The following VWCE variants were observed in gnomAD, a reference collection of about 807,000 sequenced individuals.
VWCE encodes von Willebrand factor C and EGF domains.
A neutral mutation model predicts 102.9 loss-of-function variants in VWCE; 68 were observed. The observed-to-expected ratio is 0.66, with a 90% CI of 0.54 to 0.81. VWCE has a LOEUF of 0.81. VWCE is among the 30% of genes least tolerant of loss of function. The pLI is 0.00. For missense variants in VWCE, 1,137 were observed against 1,263.6 expected, an observed-to-expected ratio of 0.90 and a Z score of 1.52; for synonymous variants, 497 against 515.4, an observed-to-expected ratio of 0.96 and a Z score of 0.48.
chr11:61,271,660 C>A lies in VWCE; in HGVS notation c.1785+15G>T, dbSNP rs898599264. 1.2e-5 allele frequency: 19 copies of A among 1,606,162 alleles called. No homozygotes were observed. Among genetic ancestry groups the A allele is most frequent in the Non-Finnish European group, 1.4e-5 (17 of 1,176,162 alleles). The stretch of plus-strand genomic sequence containing the variant: ...GCCAGGTAAAGCAGCTGAAGGCGAG[C>A]AGGTTGTCATTCACCTGGCAGATGC... On this transcript the variant is annotated intron_variant, in intron 14 of 19. Transcript: ENST00000335613.
At chr11:61,275,225 C>T (rs1395307928) in intron 11 of VWCE, among the ~76,000 whole-genome samples, 1 of 152,148 alleles carries the variant, frequency 6.6e-6, no homozygotes, top group Admixed American at 6.5e-5. Context: ...ATGCTACCAC[C>T]CCCTGGAGGC....
In VWCE at chr11:61,267,472, C is replaced by A. The variant is rs1190158285; in HGVS notation, c.1955G>T (p.Cys652Phe). 2 of 1,613,924 alleles carry A rather than the reference C, an allele frequency of 1.2e-6. No homozygotes were observed. Among genetic ancestry groups the A allele is most frequent in the Non-Finnish European group, 1.7e-6 (2 of 1,179,996 alleles). The change falls in exon 16 of 20, where the codon TGC becomes TTC. Residue 652 changes from cysteine to phenylalanine, a missense_variant. By Grantham distance (205) the Cys-to-Phe change is radical (BLOSUM62 -2). This residue lies in a region of VWCE where 212 missense variants were observed against 235.1 expected (regional missense o/e 0.90). Coordinates refer to ENST00000335613, the MANE Select transcript of VWCE (RefSeq NM_152718.2). ...CTGGGTGGTCCATACCAGGCAGATGCAGCTCAGACATGGGTCCAGCACAGA... is the reference window on the plus strand; with the variant it reads ...CTGGGTGGTCCATACCAGGCAGATGAAGCTCAGACATGGGTCCAGCACAGA... ...FPSVLDPCLS[C>F]ICLLGSVACS...
chr11:61,261,962 T>G (rs955658118), intron 19 of VWCE, among the ~76,000 whole-genome samples: 2 of 152,144 alleles, frequency 1.3e-5, no homozygotes, highest in African/African-American at 4.8e-5. Context: ...TCTTGGTTTT[T>G]GTTTTTGTTT....
chr11:61,271,913 T>G (rs563614841), intron 13 of VWCE, among the ~76,000 whole-genome samples, 153 bp from the exon 14 acceptor site: 1 of 151,958 alleles, frequency 6.6e-6, no homozygotes, highest in African/African-American at 2.4e-5. Context: ...AATGCACACT[T>G]ACACAGATAC....
At chr11:61,287,231 C>T (rs1565230200) in intron 4 of VWCE, among the ~76,000 whole-genome samples, 1 of 152,218 alleles carries the variant, frequency 6.6e-6, no homozygotes, top group Non-Finnish European at 1.5e-5. Flanking sequence ...CATGGAATCC[C>T]CACCTGCACC....
At chr11:61,283,979 A>G (rs1782589916) in intron 5 of VWCE, among the ~76,000 whole-genome samples, 1 of 152,216 alleles carries the variant, frequency 6.6e-6, no homozygotes, top group African/African-American at 2.4e-5. Flanking sequence ...TAAAAGGAAC[A>G]AGGCAAGTCT....
chr11:61,284,137 A>C (rs1855233274), intron 5 of VWCE, among the ~76,000 whole-genome samples: 1 of 151,938 alleles, frequency 6.6e-6, no homozygotes, highest in Admixed American at 6.6e-5. Flanking sequence ...CCAAAGCGGG[A>C]AGGATAGCTT....
intron 13 of VWCE, among the ~76,000 whole-genome samples, chr11:61,272,540 T>G (rs1854751505): frequency 6.7e-6 from 1 of 149,968 alleles, no homozygotes; most frequent in Admixed American, 6.6e-5. Context: ...CAGATACCAT[T>G]AACACACTGA....
chr11:61,259,628 C>G (rs1020687961), intron 19 of VWCE, among the ~76,000 whole-genome samples: 1 of 152,178 alleles, frequency 6.6e-6, no homozygotes, highest in African/African-American at 2.4e-5. Context: ...TCAGCCTAAA[C>G]CTCAATGTGA....
chr11:61,281,990 A>G (rs976137173), intron 6 of VWCE, 76 bp from the exon 7 acceptor site: 6 of 1,552,622 alleles, frequency 3.9e-6, no homozygotes, highest in Non-Finnish European at 5.2e-6. Context: ...CCTTAGCTCA[A>G]AACACTTGGG....
intron 18 of VWCE, 110 bp from the exon 19 acceptor site, chr11:61,264,687 G>T: frequency 8.2e-7 from 1 of 1,224,196 alleles, no homozygotes; most frequent in Non-Finnish European, 1.2e-6. Context: ...AAAGATCCCA[G>T]GACAGAGGCT....
At chr11:61,266,257 T>G (rs1414008331) in intron 16 of VWCE, among the ~76,000 whole-genome samples, 3 of 152,116 alleles carry the variant, frequency 2.0e-5, no homozygotes, top group East Asian at 1.9e-4. Context: ...ACAAAATTTT[T>G]GGCTGGGTGC....
Position 61,281,055 on chromosome 11 carries a change from G to C in VWCE, c.968C>G (p.Pro323Arg), listed in dbSNP as rs1369939455. The C allele has an allele frequency of 1.3e-6, 2 of 1,598,224 alleles. No individual in the cohort carries two copies. The highest frequency in any genetic ancestry group is 3.4e-5 in the Admixed American group (2 of 58,402). ...VRTTRLPSPT[P>R]RLPTSSPSAP... ...AGAAGGGGAGGATGTGGGTAGTCGTGGGGTGGGAGATGGCAGGCGGGTGGT... is the reference window on the plus strand; with the variant it reads ...AGAAGGGGAGGATGTGGGTAGTCGTCGGGTGGGAGATGGCAGGCGGGTGGT... Residue 323 changes from proline (P) to arginine (R), a missense_variant, in exon 8 of 20, where the codon CCA becomes CGA. Physicochemically the swap from Pro to Arg is moderately radical, Grantham distance 103. Around this residue, in one of 5 missense-constraint regions of VWCE, gnomAD observed 575 missense variants for 625.9 expected, o/e 0.92. Coordinates refer to ENST00000335613, the MANE Select transcript of VWCE (RefSeq NM_152718.2).
Position 61,280,658 on chromosome 11 carries a change from G to A in VWCE, c.1290C>T (p.Pro430=). 1 of 1,614,072 alleles carries A rather than the reference G, an allele frequency of 6.2e-7. No individual in the cohort carries two copies. Among genetic ancestry groups the A allele is most frequent in the South Asian group, 1.1e-5 (1 of 91,066 alleles). ...ATGGGCAGCACCCACCATCTCTGGAGGGAATTGGGTGGGAACAAGCAGCTT... is the reference window on the plus strand; with the variant it reads ...ATGGGCAGCACCCACCATCTCTGGAAGGAATTGGGTGGGAACAAGCAGCTT... ...RCEAACSHPI[P]SRDGGCCPSC... The change falls in exon 9 of 20, where the codon CCC becomes CCT. Residue 430 remains proline, a synonymous_variant. Coordinates refer to ENST00000335613, the MANE Select transcript of VWCE (RefSeq NM_152718.2).
rs1590621498 is a variant in VWCE, at chr11:61,268,914, G to A, written c.1882+8C>T. 2 of 1,613,924 alleles carry A rather than the reference G, an allele frequency of 1.2e-6. No individual in the cohort carries two copies. The highest frequency in any genetic ancestry group is 2.2e-5 in the South Asian group (2 of 91,076). ...CCCTGGGGGCTTGGGGCAGAGGCAG[G>A]GGATTACCTGCTGAACAGTCTGGGC... On this transcript the variant is annotated splice_region_variant and intron_variant, in intron 15 of 19. Transcript: ENST00000335613.
In VWCE at chr11:61,294,894, G is replaced by A; in HGVS notation, c.110+34C>T. 3 of 1,339,920 alleles carry A rather than the reference G, an allele frequency of 2.2e-6. No individual in the cohort carries two copies. The highest frequency in any genetic ancestry group is 2.9e-6 in the Non-Finnish European group (3 of 1,031,860). 83.0% of individuals were successfully genotyped at this position (1,339,920 alleles called of 1,614,324 possible). On this transcript the variant is annotated intron_variant, in intron 1 of 19. Transcript: ENST00000335613. This position sits in a 1 kb window ranked among gnomAD's most constrained non-coding sequence, Gnocchi z 6.3. Reference sequence around the variant, plus strand: ...ACTGCACGCCGGTAGCGCTCTCCCGGGCGGGGGAGCGGGGAGGAGCTCCGG... The same window carrying A: ...ACTGCACGCCGGTAGCGCTCTCCCGAGCGGGGGAGCGGGGAGGAGCTCCGG...
At chr11:61,287,921 C>T (rs1266057657) in intron 4 of VWCE, among the ~76,000 whole-genome samples, 3 of 151,688 alleles carry the variant, frequency 2.0e-5, no homozygotes, top group Non-Finnish European at 4.4e-5. Flanking sequence ...TCTGGGAGGC[C>T]GAGGTGGGTG....
chr11:61,271,535 TGAAAGTGGA>T, intron 14 of VWCE, 131 bp downstream of exon 14: 3 of 740,884 alleles, frequency 4.0e-6, no homozygotes, highest in Admixed American at 2.3e-5. Context: ...ACCCTTTTTG[TGAAAGTGGA>T]ACTTGACAGC....
chr11:61,277,009 AGGAG>A (rs1318291582), intron 10 of VWCE, among the ~76,000 whole-genome samples: 5 of 98,056 alleles, frequency 5.1e-5, no homozygotes, highest in Admixed American at 3.9e-4. Flanking sequence ...AGAGGAAGGA[AGGAG>A]GGAGGGAGGG....
Sources: gnomAD v4.1 joint callset for allele counts (sites outside exome capture counted in the v4.1 genomes callset) on GRCh38, gnomAD v4.1.1 for gene constraint, gnomAD v4.1.1 regional missense constraint, Gnocchi (gnomAD v3.1) non-coding constraint, MANE v1.5 for transcripts, NCBI Gene and HGNC (gene_info 2026-07-23, HGNC 2026-07-21) for gene names.